EYS: variants seen among roughly 807,000 people sequenced by gnomAD.
EYS encodes the protein EGF-like photoreceptor maintenance factor.
In EYS, 250 loss-of-function variants were observed where a neutral mutation model predicts 282.1. That is an observed-to-expected ratio of 0.89 (90% CI 0.80 to 0.98). The LOEUF is 0.98. EYS is among the 50% of genes least tolerant of loss of function. EYS has a pLI of 0.00. For missense variants in EYS, 4,016 were observed against 3,709.0 expected (o/e 1.08, Z -2.15); for synonymous variants, 1,355 against 1,282.9 (o/e 1.06, Z -1.20).
chr6:65,029,089 C>T (rs949514717), intron 13 of EYS, among the ~76,000 whole-genome samples: 10 of 152,060 alleles, frequency 6.6e-5, no homozygotes, highest in African/African-American at 2.2e-4. Flanking sequence ...CCCCTGTGTC[C>T]TTTTGATTTA....
At chr6:64,508,749 G>A (rs1357165930) in intron 26 of EYS, among the ~76,000 whole-genome samples, 1 of 151,940 alleles carries the variant, frequency 6.6e-6, no homozygotes, top group East Asian at 1.9e-4. Context: ...TAAAGCTTAA[G>A]TGATCACCAA....
intron 28 of EYS, among the ~76,000 whole-genome samples, chr6:64,418,892 G>T (rs916959546): frequency 6.6e-6 from 1 of 152,168 alleles, no homozygotes; most frequent in Admixed American, 6.5e-5. Context: ...CTGAGAAAAG[G>T]TGAGGTATGC....
chr6:64,407,814 C>T (rs565917376), intron 28 of EYS, among the ~76,000 whole-genome samples: 1 of 152,072 alleles, frequency 6.6e-6, no homozygotes, highest in Non-Finnish European at 1.5e-5. Flanking sequence ...TCACTGCAAC[C>T]TCCGCCTCCT....
rs145619821 is a variant in EYS at position 63,963,392 on chromosome 6, G to A, written c.7055+20991C>T. On this transcript the variant is annotated intron_variant, in intron 35 of 42. Transcript: ENST00000503581. ...GGACTAAAAAAAGTGCATAAATACT[G>A]TATACAAGGAGAAAAGAAATATTCA... 1.5e-3 allele frequency among the ~76,000 whole-genome samples: 232 copies of A among 152,244 alleles called. 1 individual carries two copies. Among genetic ancestry groups the A allele is most frequent in the Admixed American group, 3.5e-3 (54 of 15,284 alleles).
chr6:65,218,326 A>AG (rs368869555), intron 12 of EYS, among the ~76,000 whole-genome samples: 1 of 152,120 alleles, frequency 6.6e-6, no homozygotes, highest in Non-Finnish European at 1.5e-5. Flanking sequence ...AGGAAAAAAA[A>AG]TTTAGTTATT....
chr6:65,194,468 A>G (rs139802949), intron 12 of EYS, among the ~76,000 whole-genome samples: 2 of 152,154 alleles, frequency 1.3e-5, no homozygotes, highest in Non-Finnish European at 2.9e-5. Context: ...AATGTGATAT[A>G]ATAAATTCCA....
chr6:64,448,973 C>T (rs1368253790), intron 26 of EYS, among the ~76,000 whole-genome samples: 1 of 152,174 alleles, frequency 6.6e-6, no homozygotes, highest in Admixed American at 6.5e-5. Context: ...AGGAACGCAG[C>T]TCCTCACCAG....
intron 35 of EYS, among the ~76,000 whole-genome samples, chr6:63,967,943 G>T (rs1226909097): frequency 1.3e-5 from 2 of 152,020 alleles, no homozygotes; most frequent in Non-Finnish European, 2.9e-5. Context: ...GCCTCAAATC[G>T]CATAGCTTTT....
At chr6:64,445,022 C>A (rs555183839) in intron 26 of EYS, among the ~76,000 whole-genome samples, 10 of 152,280 alleles carry the variant, frequency 6.6e-5, no homozygotes, top group Admixed American at 3.9e-4. Context: ...TATAAATTAC[C>A]CAGCCTCAGG....
intron 2 of EYS, among the ~76,000 whole-genome samples, chr6:65,630,914 AC>A (rs1464532767): frequency 6.6e-6 from 1 of 152,238 alleles, no homozygotes; most frequent in Non-Finnish European, 1.5e-5. Context: ...GTAGTTAAGA[AC>A]CAAAGATGTA....
intron 2 of EYS, among the ~76,000 whole-genome samples, chr6:65,549,094 T>C (rs1269848554): frequency 6.6e-6 from 1 of 152,142 alleles, no homozygotes; most frequent in Non-Finnish European, 1.5e-5. Flanking sequence ...CAGGCAGTAA[T>C]GCTCTCTCAC....
chr6:64,087,705 T>A (rs781524928), intron 31 of EYS, among the ~76,000 whole-genome samples: 1 of 152,066 alleles, frequency 6.6e-6, no homozygotes, highest in Non-Finnish European at 1.5e-5. Context: ...ATAAATAAAA[T>A]GGGATGAGAA....
intron 19 of EYS, among the ~76,000 whole-genome samples, chr6:64,839,747 G>A (rs533062259): frequency 2.9e-4 from 44 of 152,036 alleles, no homozygotes; most frequent in African/African-American, 1.0e-3. Context: ...TTTTCAAGAC[G>A]ATGCCTTGTT....
At chr6:64,480,266 G>A (rs1303160640) in intron 26 of EYS, among the ~76,000 whole-genome samples, 1 of 151,752 alleles carries the variant, frequency 6.6e-6, no homozygotes, top group African/African-American at 2.4e-5. Flanking sequence ...ACCTCCAGGA[G>A]TTATAGTAAA....
At chr6:65,382,039 T>TACA (rs1765629881) in intron 8 of EYS, among the ~76,000 whole-genome samples, 3 of 151,908 alleles carry the variant, frequency 2.0e-5, no homozygotes, top group African/African-American at 7.2e-5. Flanking sequence ...TATGATTATG[T>TACA]TTATTTCTAA....
rs571950060 is a variant in EYS, at chr6:63,952,461, T to C, written c.7055+31922A>G. Among the ~76,000 whole-genome samples the C allele has an allele frequency of 9.9e-4, 151 of 152,296 alleles. 1 individual carries two copies. Among genetic ancestry groups the C allele is most frequent in the Middle Eastern group, 3.4e-3 (1 of 294 alleles). On this transcript the variant is annotated intron_variant, in intron 35 of 42. Transcript: ENST00000503581. ...TCCCCTTCTTAATCAATATGGAGGC[T>C]ACCAACTCCACATTACCTTTTTTTC...
intron 12 of EYS, among the ~76,000 whole-genome samples, chr6:65,271,035 C>T (rs921670623): frequency 6.7e-6 from 1 of 148,842 alleles, no homozygotes; most frequent in Non-Finnish European, 1.5e-5. Context: ...TCTAAAATTG[C>T]TTTCACATTT....
intron 12 of EYS, among the ~76,000 whole-genome samples, chr6:65,073,625 T>C (rs1773963436): frequency 6.6e-6 from 1 of 151,666 alleles, no homozygotes; most frequent in Non-Finnish European, 1.5e-5. Flanking sequence ...AAATGTTACA[T>C]TGATTATATT....
chr6:63,752,316 T>A (rs183926401), intron 41 of EYS, among the ~76,000 whole-genome samples: 10 of 152,176 alleles, frequency 6.6e-5, no homozygotes, highest in Non-Finnish European at 1.3e-4. Context: ...ACATGCCAGA[T>A]CATTAGCAAG....
Sources: gnomAD v4.1 joint callset for allele counts (sites outside exome capture counted in the v4.1 genomes callset) on GRCh38, gnomAD v4.1.1 for gene constraint, MANE v1.5 for transcripts, NCBI Gene and HGNC (gene_info 2026-07-23, HGNC 2026-07-21) for gene names.